Variants in MAD1L1 observed in about 807,000 individuals in gnomAD.
MAD1L1 encodes the protein mitotic spindle assembly checkpoint protein MAD1.
Under a neutral mutation model 96.9 loss-of-function variants are expected in MAD1L1, and 95 were observed. That is an observed-to-expected ratio of 0.98 (90% CI 0.83 to 1.16). The LOEUF (loss-of-function observed/expected upper bound fraction) is 1.16. Ranked by LOEUF, MAD1L1 falls within the 50% of genes most tolerant of loss-of-function variation. MAD1L1 has a pLI of 0.00. For synonymous variants in MAD1L1, 473 were observed against 396.6 expected, an observed-to-expected ratio of 1.19 and a Z score of -2.29; for missense variants, 1,007 against 954.4, an observed-to-expected ratio of 1.06 and a Z score of -0.73.
chr7:2,079,258 G>C (rs535297634), intron 11 of MAD1L1, among the ~76,000 whole-genome samples: 1 of 152,202 alleles, frequency 6.6e-6, no homozygotes, highest in African/African-American at 2.4e-5. Context: ...CGAGAGGGCA[G>C]GTGCCCCAGG....
chr7:2,046,286 G>A (rs776305664), intron 12 of MAD1L1, among the ~76,000 whole-genome samples: 2 of 152,082 alleles, frequency 1.3e-5, no homozygotes, highest in Non-Finnish European at 1.5e-5. Context: ...AAATAAGATC[G>A]CCTTTCAATG....
chr7:1,863,548 C>T lies in MAD1L1; in HGVS notation c.1998+34652G>A, dbSNP rs1195335499. ...CGGGAGCCAGTACTGAGGCTGACCC[C>T]TGAGCAGCACTTCAGCCACATCTCA... On this transcript the variant is annotated intron_variant, in intron 18 of 18. Coordinates refer to ENST00000265854, the MANE Select transcript of MAD1L1 (RefSeq NM_001013836.2). 3.9e-5 allele frequency among the ~76,000 whole-genome samples: 6 copies of T among 152,246 alleles called. No individual in the cohort carries two copies. In the East Asian group the frequency reaches 1.2e-3, roughly 29 times the overall value.
chr7:2,229,200 C>T (rs890141440), intron 3 of MAD1L1, among the ~76,000 whole-genome samples: 5 of 152,248 alleles, frequency 3.3e-5, no homozygotes, highest in Middle Eastern at 3.4e-3. Context: ...CTCTGGGGAC[C>T]GCAGCAGGGA....
chr7:2,218,446 A>G (rs1230100059), intron 6 of MAD1L1, among the ~76,000 whole-genome samples: 1 of 152,152 alleles, frequency 6.6e-6, no homozygotes, highest in African/African-American at 2.4e-5. Flanking sequence ...ACTCTCCTAA[A>G]ACCACATCTG....
intron 18 of MAD1L1, among the ~76,000 whole-genome samples, chr7:1,869,368 T>G (rs1000201239): frequency 6.6e-6 from 1 of 152,080 alleles, no homozygotes; most frequent in South Asian, 2.1e-4. Flanking sequence ...CTCCACCTTA[T>G]AGGCTCTCAA....
At chr7:1,907,575 G>A (rs1338110261) in intron 17 of MAD1L1, among the ~76,000 whole-genome samples, 1 of 152,242 alleles carries the variant, frequency 6.6e-6, no homozygotes, top group Non-Finnish European at 1.5e-5. Context: ...ACGGGGCCAG[G>A]AGGAAGGGAG....
intron 12 of MAD1L1, among the ~76,000 whole-genome samples, chr7:2,039,261 T>C (rs1646811505): frequency 1.3e-5 from 2 of 152,228 alleles, no homozygotes; most frequent in South Asian, 4.1e-4. Flanking sequence ...TGTTTAACCA[T>C]CACCACCGAA....
intron 11 of MAD1L1, among the ~76,000 whole-genome samples, chr7:2,109,028 T>C (rs916888492): frequency 2.6e-5 from 4 of 152,230 alleles, no homozygotes; most frequent in Admixed American, 1.3e-4. Context: ...GACGCCTCCC[T>C]GTGCTGCGCA....
intron 16 of MAD1L1, among the ~76,000 whole-genome samples, chr7:1,938,227 C>A (rs186361968): frequency 3.4e-5 from 5 of 145,318 alleles, no homozygotes; most frequent in Admixed American, 6.8e-5. Flanking sequence ...AGGGTTACTG[C>A]GCACCCGAGA....
chr7:2,212,304 G>T (rs989475455), intron 10 of MAD1L1, among the ~76,000 whole-genome samples: 1 of 152,226 alleles, frequency 6.6e-6, no homozygotes, highest in Non-Finnish European at 1.5e-5. Context: ...CCAAGCGCTG[G>T]CACTCAGCTT....
intron 18 of MAD1L1, chr7:1,874,582 C>T (rs1206403045): frequency 6.6e-6 from 3 of 452,208 alleles, no homozygotes; most frequent in Admixed American, 4.8e-5. Context: ...GAGTGGCTCT[C>T]ACCTATCAGC....
intron 18 of MAD1L1, among the ~76,000 whole-genome samples, chr7:1,895,250 G>A (rs1410406799): frequency 1.3e-5 from 2 of 152,208 alleles, no homozygotes; most frequent in Non-Finnish European, 2.9e-5. Context: ...GACCAAGGTG[G>A]GGTCTTGGCA....
chr7:1,977,990 C>T (rs1005283010), intron 15 of MAD1L1, among the ~76,000 whole-genome samples: 28 of 152,376 alleles, frequency 1.8e-4, no homozygotes, highest in African/African-American at 5.3e-4. Context: ...CCCTGCCTCG[C>T]GTGGCATTCA....
chr7:2,077,467 AG>A (rs1785431829), intron 11 of MAD1L1, among the ~76,000 whole-genome samples: 1 of 152,132 alleles, frequency 6.6e-6, no homozygotes, highest in Non-Finnish European at 1.5e-5. Flanking sequence ...CCATGCCTTG[AG>A]CACCCCCATA....
intron 15 of MAD1L1, among the ~76,000 whole-genome samples, chr7:1,971,595 T>C (rs1780409649): frequency 6.6e-6 from 1 of 152,220 alleles, no homozygotes; most frequent in African/African-American, 2.4e-5. Flanking sequence ...TTAAAGACGG[T>C]AGCTTGAACA....
intron 10 of MAD1L1, among the ~76,000 whole-genome samples, chr7:2,159,677 G>A (rs568139111): frequency 2.1e-4 from 32 of 152,218 alleles, no homozygotes; most frequent in African/African-American, 7.2e-4. Context: ...GTAACTATCC[G>A]ACTAAATGCT....
At chr7:2,213,160 C>G in intron 10 of MAD1L1, 52 bp downstream of exon 10, 1 of 1,592,166 alleles carries the variant, frequency 6.3e-7, no homozygotes, top group African/African-American at 1.3e-5. Flanking sequence ...CTGCTCTTCA[C>G]CCAGGACCCT....
At chr7:2,040,398 G>A (rs997659943) in intron 12 of MAD1L1, among the ~76,000 whole-genome samples, 4 of 152,110 alleles carry the variant, frequency 2.6e-5, no homozygotes, top group Admixed American at 6.5e-5. Context: ...TTATTCCATC[G>A]TATTCCCAGG....
At chr7:1,857,044 C>T (rs1457942397) in intron 18 of MAD1L1, among the ~76,000 whole-genome samples, 3 of 152,130 alleles carry the variant, frequency 2.0e-5, no homozygotes, top group African/African-American at 2.4e-5. Context: ...CGGGTGAGGA[C>T]GAGGAGCTGC....
Sources: allele counts gnomAD v4.1 joint callset (sites outside exome capture counted in the v4.1 genomes callset), GRCh38; gene constraint gnomAD v4.1.1; transcripts MANE v1.5; gene names NCBI Gene and HGNC (gene_info 2026-07-23, HGNC 2026-07-21).